Variants in IGF2BP1 observed in about 807,000 individuals in gnomAD.
The protein encoded by IGF2BP1 is insulin like growth factor 2 mRNA binding protein 1.
In IGF2BP1, 11 loss-of-function variants were observed where a neutral mutation model predicts 74.9. That is an observed-to-expected ratio of 0.15 (90% CI 0.09 to 0.24). The LOEUF (loss-of-function observed/expected upper bound fraction) is 0.24. IGF2BP1 is among the 10% of genes least tolerant of loss of function. IGF2BP1 has a pLI of 1.00. For missense variants in IGF2BP1, 440 were observed against 757.4 expected (o/e 0.58, Z 4.92); for synonymous variants, 287 against 281.8 (o/e 1.02, Z -0.18).
At chr17:49,048,088 A>T (rs1362540768) in intron 14 of IGF2BP1, among the ~76,000 whole-genome samples, 3 of 152,276 alleles carry the variant, frequency 2.0e-5, no homozygotes, top group African/African-American at 7.2e-5. Flanking sequence ...CATTCTATGA[A>T]GTGAATCCCA....
At chr17:48,999,060 C>G (rs754092466) in intron 1 of IGF2BP1, 49 bp from the exon 2 acceptor site, 1 of 1,168,652 alleles carries the variant, frequency 8.6e-7, no homozygotes, top group East Asian at 2.3e-5. Flanking sequence ...CTTCCCACCC[C>G]CAACCCCTGT....
intron 2 of IGF2BP1, among the ~76,000 whole-genome samples, chr17:49,008,120 A>G (rs2041572159): frequency 6.6e-6 from 1 of 151,888 alleles, no homozygotes. Flanking sequence ...TACAGTGAGC[A>G]GAGATTGTGC....
intron 2 of IGF2BP1, among the ~76,000 whole-genome samples, chr17:49,016,793 G>A (rs952785765): frequency 2.0e-5 from 1 of 51,126 alleles, no homozygotes; most frequent in Non-Finnish European, 4.0e-5. Context: ...CCGCCAGCCC[G>A]CCCGCCCGCC....
intron 2 of IGF2BP1, among the ~76,000 whole-genome samples, chr17:49,021,147 G>GA (rs796554627): frequency 8.8e-4 from 122 of 139,068 alleles, no homozygotes; most frequent in Non-Finnish European, 9.6e-4. Context: ...TGTCTCAAAG[G>GA]AAAAAAAAAA....
chr17:49,041,536 G>C (rs749591911), intron 8 of IGF2BP1, 36 bp downstream of exon 8: 4 of 1,612,792 alleles, frequency 2.5e-6, no homozygotes, highest in Non-Finnish European at 3.4e-6. Flanking sequence ...TTATGAGTGG[G>C]GGATGCATGG....
chr17:49,025,744 A>G, intron 3 of IGF2BP1, 78 bp downstream of exon 3: 1 of 1,360,210 alleles, frequency 7.4e-7, no homozygotes, highest in Non-Finnish European at 1.0e-6. Context: ...TGGAGTTGCC[A>G]GAAATGATTG....
intron 2 of IGF2BP1, among the ~76,000 whole-genome samples, chr17:49,015,161 C>T (rs1420484597): frequency 6.6e-6 from 1 of 152,062 alleles, no homozygotes. Flanking sequence ...TTAGTAGAGA[C>T]GGGGTTTCAC....
intron 2 of IGF2BP1, among the ~76,000 whole-genome samples, chr17:49,019,928 A>ATATATATATATT (rs2041761538): frequency 1.6e-5 from 1 of 63,542 alleles, no homozygotes; most frequent in African/African-American, 7.8e-5. Flanking sequence ...ATATATATAT[A>ATATATATATATT]TATATATATA....
intron 2 of IGF2BP1, among the ~76,000 whole-genome samples, chr17:49,003,215 C>T (rs905196004): frequency 2.0e-5 from 3 of 152,116 alleles, no homozygotes; most frequent in African/African-American, 7.2e-5. Context: ...TTCAAAGGTT[C>T]TGAGCTTCTA....
At chr17:49,019,937 TATATATATA>T (rs1567815798) in intron 2 of IGF2BP1, among the ~76,000 whole-genome samples, 27 of 61,422 alleles carry the variant, frequency 4.4e-4, no homozygotes, top group Non-Finnish European at 6.8e-4. Flanking sequence ...TATATATATA[TATATATATA>T]TATTTATATA....
chr17:49,055,576 A>C lies in IGF2BP1; in HGVS notation c.*6132A>C. The C allele has an allele frequency of 2.5e-6, 1 of 398,534 alleles. No homozygotes were observed. The highest frequency in any genetic ancestry group is 4.4e-6 in the Non-Finnish European group (1 of 226,018). 24.7% of individuals were successfully genotyped at this position (398,534 alleles called of 1,614,324 possible). ...TGCAGATTTTATGTTAGCCACTGCTATGTAAAAGCACGTTCAAAATGAATT... is the reference window on the plus strand; with the variant it reads ...TGCAGATTTTATGTTAGCCACTGCTCTGTAAAAGCACGTTCAAAATGAATT... On this transcript the variant is annotated 3_prime_UTR_variant, in exon 15 of 15. Coordinates refer to ENST00000290341, the MANE Select transcript of IGF2BP1 (RefSeq NM_006546.4).
intron 13 of IGF2BP1, 87 bp downstream of exon 13, chr17:49,046,108 A>C: frequency 1.3e-6 from 2 of 1,526,210 alleles, no homozygotes; most frequent in Non-Finnish European, 1.8e-6. Context: ...GCTCAACCTC[A>C]GGACTCCTGA....
intron 5 of IGF2BP1, chr17:49,036,805 G>A (rs2041994947): frequency 6.5e-6 from 1 of 153,376 alleles, no homozygotes. Flanking sequence ...CAAAATTAGC[G>A]GGGCATGGTG....
chr17:49,005,929 G>T (rs1375687517), intron 2 of IGF2BP1, among the ~76,000 whole-genome samples: 1 of 152,210 alleles, frequency 6.6e-6, no homozygotes, highest in South Asian at 2.1e-4. Context: ...AGGTGTGGTG[G>T]TGCATGCCTG....
chr17:49,045,217 G>GGCCGGGCGCGGTGGCTCACGCCTGTAAT, intron 12 of IGF2BP1, 152 bp downstream of exon 12: 6 of 590,726 alleles, frequency 1.0e-5, no homozygotes. Flanking sequence ...GGGCTGCAGA[G>GGCCGGGCGCGGTGGCTCACGCCTGTAAT]CTATTTTCAA....
rs535335699 is a variant in IGF2BP1, at chr17:48,999,191, G to C, written c.236+22G>C. ...AAAGGTAGGAAAGAGCTCTTTTCGG[G>C]GGGGGTGGGGGGGCCGCGGGGGTGT... On this transcript the variant is annotated intron_variant, in intron 2 of 14. Coordinates refer to ENST00000290341, the MANE Select transcript of IGF2BP1 (RefSeq NM_006546.4). The C allele has an allele frequency of 2.5e-4, 189 of 757,836 alleles. 2 individuals carry two copies. The highest frequency in any genetic ancestry group is 4.5e-6 in the Non-Finnish European group (2 of 445,626). 46.9% of individuals were successfully genotyped at this position (757,836 alleles called of 1,614,324 possible).
chr17:49,007,687 G>A (rs1279249279), intron 2 of IGF2BP1, among the ~76,000 whole-genome samples: 3 of 152,196 alleles, frequency 2.0e-5, no homozygotes, highest in Non-Finnish European at 4.4e-5. Flanking sequence ...TCGGGACTCT[G>A]AGGAAGAGAA....
chr17:49,051,323 A>T lies in IGF2BP1; in HGVS notation c.*1879A>T, dbSNP rs765244593. 8.8e-4 allele frequency: 135 copies of T among 152,772 alleles called. No homozygotes were observed. Among genetic ancestry groups the T allele is most frequent in the Non-Finnish European group, 1.4e-3 (97 of 68,030 alleles). 9.5% of individuals were successfully genotyped at this position (152,772 alleles called of 1,614,324 possible). ...GCCAGTAACCCTTTAGGAACTCTCT[A>T]TGGAGAACAGGCCTGGTGGGAAAGG... On this transcript the variant is annotated 3_prime_UTR_variant, in exon 15 of 15. Coordinates refer to ENST00000290341, the MANE Select transcript of IGF2BP1 (RefSeq NM_006546.4).
rs576166687 is a variant in IGF2BP1 at position 49,007,130 on chromosome 17, G to C, written c.236+7961G>C. Among the ~76,000 whole-genome samples the C allele has an allele frequency of 1.6e-3, 250 of 152,198 alleles. 2 individuals carry two copies. The highest frequency in any genetic ancestry group is 5.8e-3 in the African/African-American group (242 of 41,494). On this transcript the variant is annotated intron_variant, in intron 2 of 14. Transcript: ENST00000290341. ...AGGGGACTGTAAGAATCCTCCTGGG[G>C]GTCTGAGGAAGGAAGAAATGAGAGT...
Sources: gnomAD v4.1 joint callset for allele counts (sites outside exome capture counted in the v4.1 genomes callset) on GRCh38, gnomAD v4.1.1 for gene constraint, MANE v1.5 for transcripts, NCBI Gene and HGNC (gene_info 2026-07-23, HGNC 2026-07-21) for gene names.